BOD1: variants seen among roughly 807,000 people sequenced by gnomAD.
BOD1 encodes biorientation of chromosomes in cell division protein 1.
Under a neutral mutation model 15.7 loss-of-function variants are expected in BOD1, and 11 were observed. The ratio of observed to expected loss-of-function variants is 0.70; its 90% CI spans 0.44 to 1.16. The LOEUF is 1.16. BOD1 is among the 50% of genes most tolerant of loss of function. The probability of loss-of-function intolerance (pLI) is 0.00; values close to 1 mark genes in which losing one functional copy is unlikely to be tolerated. For synonymous variants in BOD1, 105 were observed against 103.5 expected, an observed-to-expected ratio of 1.01 and a Z score of -0.09; for missense variants, 182 against 244.5, an observed-to-expected ratio of 0.74 and a Z score of 1.70.
Position 173,607,373 on chromosome 5 carries a change from C to T in BOD1, c.*921G>A, listed in dbSNP as rs1755227777. 6.6e-6 allele frequency: 1 copy of T among 152,160 alleles called. No homozygotes were observed. The highest frequency in any genetic ancestry group is 2.4e-5 in the African/African-American group (1 of 41,416). 9.4% of individuals were successfully genotyped at this position (152,160 alleles called of 1,614,324 possible). A position where few individuals can be genotyped will look rare whatever the true frequency, so the allele number is the denominator to read the frequency against. On this transcript the variant is annotated 3_prime_UTR_variant, in exon 4 of 4. Coordinates refer to ENST00000311086, the MANE Select transcript of BOD1 (RefSeq NM_138369.3). ...ATGGCTCAGGGAGGAGAGAAACAGC[C>T]CACTACTAGCTACACCTACTAGTTT...
Position 173,609,317 on chromosome 5 carries a change from C to G in BOD1, c.480G>C (p.Gln160His). Residue 160 changes from glutamine (Q) to histidine (H), a missense_variant, in exon 3 of 4, where the codon CAG (glutamine) becomes CAC (histidine). By Grantham distance (24) the Gln-to-His change is conservative (BLOSUM62 0). This residue lies in a region of BOD1 where 40 missense variants were observed against 45.3 expected (regional missense o/e 0.88). Coordinates refer to ENST00000311086, the MANE Select transcript of BOD1 (RefSeq NM_138369.3). ...ERAIHEFLAA[Q>H]KKAAVPAPPP... ...GGGGTGCTGGCACAGCTGCTTTTTTCTGGGCCGCCAGGAACTCATGAATTG... is the reference window on the plus strand; with the variant it reads ...GGGGTGCTGGCACAGCTGCTTTTTTGTGGGCCGCCAGGAACTCATGAATTG... 6.2e-7 allele frequency: 1 copy of G among 1,614,228 alleles called. No individual in the cohort carries two copies. The highest frequency in any genetic ancestry group is 8.5e-7 in the Non-Finnish European group (1 of 1,180,048).
chr5:173,608,954 AT>A (rs1755274868), intron 3 of BOD1, among the ~76,000 whole-genome samples: 1 of 152,208 alleles, frequency 6.6e-6, no homozygotes, highest in Non-Finnish European at 1.5e-5. Flanking sequence ...TAAGACTTTC[AT>A]TTGAATCCCC....
Position 173,608,241 on chromosome 5 carries a change from C to A in BOD1, c.*53G>T. 1.2e-6 allele frequency: 2 copies of A among 1,609,618 alleles called. No homozygotes were observed. Among genetic ancestry groups the A allele is most frequent in the Admixed American group, 1.7e-5 (1 of 60,014 alleles). On this transcript the variant is annotated 3_prime_UTR_variant, in exon 4 of 4. Transcript: ENST00000311086. ...AGTCTGAAGTTGCACTCTTATGTAA[C>A]CGAATCCATTTCTTCACCAAAAATT...
At chr5:173,611,778 C>T (rs895170096) in intron 2 of BOD1, among the ~76,000 whole-genome samples, 2 of 152,152 alleles carry the variant, frequency 1.3e-5, no homozygotes, top group Admixed American at 6.5e-5. Flanking sequence ...CAAGAGGAAG[C>T]GCCACATGCA....
chr5:173,609,989 G>A (rs1412343728), intron 2 of BOD1, among the ~76,000 whole-genome samples: 1 of 152,128 alleles, frequency 6.6e-6, no homozygotes, highest in African/African-American at 2.4e-5. Context: ...CACATAATAA[G>A]CAACTTGGAA....
intron 1 of BOD1, among the ~76,000 whole-genome samples, 159 bp downstream of exon 1, chr5:173,616,041 G>A (rs1001819665): frequency 6.6e-6 from 1 of 152,218 alleles, no homozygotes; most frequent in Non-Finnish European, 1.5e-5. Flanking sequence ...CGTGTGCATC[G>A]CTCAGAAAGC....
intron 1 of BOD1, among the ~76,000 whole-genome samples, chr5:173,614,490 A>G (rs1002125680): frequency 1.3e-5 from 2 of 152,212 alleles, no homozygotes; most frequent in African/African-American, 4.8e-5. Context: ...TTCAAAGTAA[A>G]TTACAGTGCA....
At chr5:173,609,476 G>A (rs200786576) in intron 2 of BOD1, 42 bp from the exon 3 acceptor site, 44 of 1,599,310 alleles carry the variant, frequency 2.8e-5, no homozygotes, top group Middle Eastern at 1.7e-4. Flanking sequence ...TAGTTCCTTC[G>A]GGATTCATCT....
intron 1 of BOD1, chr5:173,614,734 T>A (rs542260638): frequency 1.3e-5 from 2 of 152,220 alleles, no homozygotes; most frequent in Non-Finnish European, 2.9e-5. Flanking sequence ...GCTAAGGAGC[T>A]GTACATGGGA....
chr5:173,615,829 A>C (rs394248), intron 1 of BOD1, among the ~76,000 whole-genome samples: 71,184 of 152,110 alleles, frequency 0.47, 17,795 homozygotes, highest in East Asian at 0.79. Context: ...CCAGCTTCTC[A>C]GTGGTGAGTA....
Position 173,616,185 on chromosome 5 carries a change from G to A in BOD1, c.237+15C>T. The A allele has an allele frequency of 6.4e-7, 1 of 1,571,358 alleles. No homozygotes were observed. On this transcript the variant is annotated intron_variant, in intron 1 of 3. Coordinates refer to ENST00000311086, the MANE Select transcript of BOD1 (RefSeq NM_138369.3). Reference sequence around the variant, plus strand: ...GTGCAGCCCCGCTCCCCAACGCCCAGGCGGCCGCAGCTACCTTGGTGTCCA... The same window carrying A: ...GTGCAGCCCCGCTCCCCAACGCCCAAGCGGCCGCAGCTACCTTGGTGTCCA...
At position 173,616,608 on chromosome 5, in the gene BOD1, C is replaced by CGAAGG. The variant is rs1238852645; in HGVS notation, c.-173_-172insCCTTC. The CGAAGG allele has an allele frequency of 7.4e-7, 1 of 1,349,800 alleles. No individual in the cohort carries two copies. The highest frequency in any genetic ancestry group is 1.5e-5 in the African/African-American group (1 of 64,538). The allele number at this position is 1,349,800 out of a possible 1,614,324, so 83.6% of individuals were successfully genotyped here. A position where few individuals can be genotyped will look rare whatever the true frequency, so the allele number is the denominator to read the frequency against. ...GTGGTGGGGGCGGCGGCGGCGAAGG[C>CGAAGG]CCCCTCTGATACAGCAGAGGTTGTG... is the stretch of plus-strand genomic sequence containing the variant. On this transcript the variant is annotated 5_prime_UTR_variant, in exon 1 of 4. Coordinates refer to ENST00000311086, the MANE Select transcript of BOD1 (RefSeq NM_138369.3).
chr5:173,609,878 T>C (rs1295500469), intron 2 of BOD1: 2 of 162,886 alleles, frequency 1.2e-5, no homozygotes, highest in African/African-American at 4.8e-5. Context: ...GCAACCTGTT[T>C]ACTAATCCTT....
intron 3 of BOD1, 55 bp downstream of exon 3, chr5:173,609,183 T>G: frequency 6.6e-7 from 1 of 1,525,354 alleles, no homozygotes; most frequent in Non-Finnish European, 8.8e-7. Flanking sequence ...CTATCCATTT[T>G]ACATATCTAC....
intron 1 of BOD1, among the ~76,000 whole-genome samples, chr5:173,614,415 G>C (rs426936): frequency 0.32 from 49,084 of 152,062 alleles, 8,892 homozygotes; most frequent in East Asian, 0.71. Context: ...GAAGTCAAAG[G>C]AACTCATGAG....
chr5:173,616,590 G>T lies in BOD1; in HGVS notation c.-154C>A. 7.4e-7 allele frequency: 1 copy of T among 1,356,876 alleles called. No homozygotes were observed. Among genetic ancestry groups the T allele is most frequent in the Non-Finnish European group, 9.4e-7 (1 of 1,062,126 alleles). The allele number at this position is 1,356,876 out of a possible 1,614,324, so 84.1% of individuals were successfully genotyped here. Reference sequence around the variant, plus strand: ...GCGATGGCGGCAGGGGCGGTGGTGGGGGCGGCGGCGGCGAAGGCCCCCTCT... The same window carrying T: ...GCGATGGCGGCAGGGGCGGTGGTGGTGGCGGCGGCGGCGAAGGCCCCCTCT... On this transcript the variant is annotated 5_prime_UTR_variant, in exon 1 of 4. Coordinates refer to ENST00000311086, the MANE Select transcript of BOD1 (RefSeq NM_138369.3).
intron 2 of BOD1, among the ~76,000 whole-genome samples, chr5:173,611,342 T>G (rs1377210656): frequency 6.6e-6 from 1 of 152,242 alleles, no homozygotes; most frequent in Non-Finnish European, 1.5e-5. Context: ...AGTGAGCCAA[T>G]GCTCTGAAGG....
chr5:173,610,778 C>G (rs900541290), intron 2 of BOD1, among the ~76,000 whole-genome samples: 1 of 152,210 alleles, frequency 6.6e-6, no homozygotes, highest in Non-Finnish European at 1.5e-5. Context: ...ATGTTGAAAT[C>G]TAATCCTTAA....
intron 1 of BOD1, chr5:173,614,717 AG>A (rs1263326657): frequency 1.3e-5 from 2 of 152,266 alleles, no homozygotes; most frequent in South Asian, 2.1e-4. Context: ...AATTCTCAGA[AG>A]GAACAGCTAA....
Sources: gnomAD v4.1 joint callset for allele counts (sites outside exome capture counted in the v4.1 genomes callset) on GRCh38, gnomAD v4.1.1 for gene constraint, gnomAD v4.1.1 regional missense constraint, MANE v1.5 for transcripts, NCBI Gene and HGNC (gene_info 2026-07-23, HGNC 2026-07-21) for gene names.